Variants in SLX4IP observed in about 807,000 individuals in gnomAD.
SLX4IP encodes the protein SLX4 interacting protein, also known as protein SLX4IP.
Under a neutral mutation model 32.9 loss-of-function variants are expected in SLX4IP, and 34 were observed. That is an observed-to-expected ratio of 1.03 (90% confidence interval 0.79 to 1.38). SLX4IP has a LOEUF of 1.38. Ranked by LOEUF, SLX4IP falls within the 40% of genes most tolerant of loss-of-function variation. The probability of loss-of-function intolerance (pLI) is 0.00; values close to 1 mark genes in which losing one functional copy is unlikely to be tolerated. For synonymous variants in SLX4IP, 172 were observed against 171.7 expected (o/e 1.00, Z -0.01); for missense variants, 444 against 479.0 (o/e 0.93, Z 0.68).
intron 2 of SLX4IP, among the ~76,000 whole-genome samples, chr20:10,523,722 G>C (rs1568723242): frequency 6.6e-6 from 1 of 152,242 alleles, no homozygotes; most frequent in Non-Finnish European, 1.5e-5. Context: ...TGATACGTCA[G>C]AACTGTCTGC....
rs1267916820 is a variant in SLX4IP, at chr20:10,495,955, A to G, written c.27+37724A>G. On this transcript the variant is annotated intron_variant, in intron 2 of 7. Transcript: ENST00000334534. ...CATTTTTGGTTAAATTTTTAAAGACATTTGCTTTTTCAGCCCTTTTTGTGC... is the reference window on the plus strand; with the variant it reads ...CATTTTTGGTTAAATTTTTAAAGACGTTTGCTTTTTCAGCCCTTTTTGTGC... Among the ~76,000 whole-genome samples, 4 of 150,216 alleles carry G rather than the reference A, an allele frequency of 2.7e-5. No homozygotes were observed. The East Asian group carries it at 5.8e-4, about 22-fold the overall frequency.
At chr20:10,520,350 C>T (rs2065892352) in intron 2 of SLX4IP, among the ~76,000 whole-genome samples, 1 of 152,174 alleles carries the variant, frequency 6.6e-6, no homozygotes, top group Admixed American at 6.5e-5. Context: ...GCGCCCGGCC[C>T]TTGTGCCCAT....
chr20:10,538,972 T>C (rs1382629318), intron 2 of SLX4IP, among the ~76,000 whole-genome samples: 1 of 152,270 alleles, frequency 6.6e-6, no homozygotes, highest in African/African-American at 2.4e-5. Context: ...TGAGGACTAA[T>C]GCCCAAGGCA....
chr20:10,505,719 A>C (rs1600939973), intron 2 of SLX4IP, among the ~76,000 whole-genome samples: 1 of 151,976 alleles, frequency 6.6e-6, no homozygotes, highest in Admixed American at 6.6e-5. Flanking sequence ...CTTGTGAGCT[A>C]TTTCTGTCCT....
At chr20:10,481,376 A>T (rs1046212232) in intron 2 of SLX4IP, among the ~76,000 whole-genome samples, 2 of 152,106 alleles carry the variant, frequency 1.3e-5, no homozygotes, top group Non-Finnish European at 2.9e-5. Context: ...CTTGGAATCC[A>T]TTGTCTGTTC....
At chr20:10,519,866 C>T (rs2065887943) in intron 2 of SLX4IP, among the ~76,000 whole-genome samples, 1 of 152,130 alleles carries the variant, frequency 6.6e-6, no homozygotes, top group Non-Finnish European at 1.5e-5. Context: ...CACATCCTGG[C>T]CAACACTTGC....
At chr20:10,565,461 T>C (rs2066381249) in intron 4 of SLX4IP, among the ~76,000 whole-genome samples, 1 of 152,176 alleles carries the variant, frequency 6.6e-6, no homozygotes, top group African/African-American at 2.4e-5. Flanking sequence ...AGCCTCATCC[T>C]CTGCCCCACC....
At chr20:10,589,812 C>A (rs890637708) in intron 4 of SLX4IP, among the ~76,000 whole-genome samples, 1 of 262 alleles carries the variant, frequency 3.8e-3, no homozygotes, top group African/African-American at 0.013. Context: ...TAGAAGATAT[C>A]AAAAGTCGAA....
At chr20:10,591,289 A>G (rs1424307045) in intron 4 of SLX4IP, among the ~76,000 whole-genome samples, 2 of 152,254 alleles carry the variant, frequency 1.3e-5, no homozygotes, top group African/African-American at 4.8e-5. Context: ...GCTGACAAAC[A>G]GGAAATGAAC....
chr20:10,546,283 G>A (rs963859355), intron 2 of SLX4IP, among the ~76,000 whole-genome samples: 4 of 152,216 alleles, frequency 2.6e-5, no homozygotes, highest in African/African-American at 7.2e-5. Context: ...CATTTCATGT[G>A]CTCTCTTGCA....
chr20:10,455,908 G>A (rs966875570), intron 1 of SLX4IP, among the ~76,000 whole-genome samples: 5 of 152,078 alleles, frequency 3.3e-5, no homozygotes, highest in Admixed American at 6.5e-5. Context: ...ACCGTGCCTG[G>A]CCTATATGTC....
intron 2 of SLX4IP, among the ~76,000 whole-genome samples, chr20:10,550,896 G>A (rs929107687): frequency 6.6e-6 from 1 of 152,166 alleles, no homozygotes; most frequent in African/African-American, 2.4e-5. Context: ...ACTTGGGTAT[G>A]TGCCGTGGTC....
chr20:10,618,173 T>C (rs892741828), intron 6 of SLX4IP, among the ~76,000 whole-genome samples: 34 of 152,312 alleles, frequency 2.2e-4, no homozygotes, highest in African/African-American at 7.7e-4. Context: ...GACATGTGCA[T>C]TGACTGTCTT....
intron 2 of SLX4IP, among the ~76,000 whole-genome samples, chr20:10,542,375 C>T (rs1056673533): frequency 4.6e-5 from 7 of 152,084 alleles, no homozygotes; most frequent in Non-Finnish European, 8.8e-5. Flanking sequence ...CCCTTAAGGC[C>T]CTAGAGAACT....
At chr20:10,613,116 A>T (rs2066987578) in intron 6 of SLX4IP, 2 of 376,274 alleles carry the variant, frequency 5.3e-6, no homozygotes, top group Admixed American at 4.3e-5. Context: ...GCATGAACAG[A>T]ACCACATCCT....
At chr20:10,552,402 T>C (rs1037374453) in intron 2 of SLX4IP, among the ~76,000 whole-genome samples, 3 of 151,954 alleles carry the variant, frequency 2.0e-5, no homozygotes, top group Non-Finnish European at 4.4e-5. Context: ...CTTTTCTTTT[T>C]TTTTTCTTTT....
intron 1 of SLX4IP, among the ~76,000 whole-genome samples, chr20:10,457,698 A>G (rs1263479732): frequency 2.0e-5 from 3 of 152,054 alleles, no homozygotes; most frequent in Admixed American, 6.6e-5. Context: ...TGGTATCAGG[A>G]TGATACTGGC....
At chr20:10,610,878 A>G (rs1392868661) in intron 6 of SLX4IP, among the ~76,000 whole-genome samples, 2 of 149,128 alleles carry the variant, frequency 1.3e-5, no homozygotes, top group African/African-American at 2.5e-5. Flanking sequence ...AAAAAGTATT[A>G]TTAGTGAAAT....
intron 3 of SLX4IP, among the ~76,000 whole-genome samples, chr20:10,558,156 A>G (rs974290265): frequency 6.6e-6 from 1 of 152,128 alleles, no homozygotes; most frequent in Non-Finnish European, 1.5e-5. Context: ...CCTGGGCAAC[A>G]TGGTGAACCC....
Sources: gnomAD v4.1 joint callset for allele counts (sites outside exome capture counted in the v4.1 genomes callset) on GRCh38, gnomAD v4.1.1 for gene constraint, MANE v1.5 for transcripts, NCBI Gene and HGNC (gene_info 2026-07-23, HGNC 2026-07-21) for gene names.